Variants in NYAP2 observed in about 807,000 individuals in gnomAD.
The protein encoded by NYAP2 is neuronal tyrosine-phosphorylated phosphoinositide-3-kinase adaptor 2.
A neutral mutation model predicts 50.4 loss-of-function variants in NYAP2; 23 were observed. The observed-to-expected ratio is 0.46, with a 90% CI of 0.33 to 0.65. The LOEUF is 0.65. Ranked by LOEUF, NYAP2 falls within the 30% of genes least tolerant of loss-of-function variation. The pLI, the probability that NYAP2 is intolerant of heterozygous loss-of-function variation, is 0.02. For synonymous variants in NYAP2, 394 were observed against 365.2 expected, an observed-to-expected ratio of 1.08 and a Z score of -0.90; for missense variants, 885 against 861.0, an observed-to-expected ratio of 1.03 and a Z score of -0.35.
chr2:225,441,302 A>G (rs1251143040), intron 3 of NYAP2, among the ~76,000 whole-genome samples: 1 of 152,222 alleles, frequency 6.6e-6, no homozygotes, highest in East Asian at 1.9e-4. Context: ...TGTCTTTAAT[A>G]TGATAAACCA....
intron 3 of NYAP2, among the ~76,000 whole-genome samples, chr2:225,499,436 C>T (rs1690564681): frequency 6.6e-6 from 1 of 151,956 alleles, no homozygotes; most frequent in South Asian, 2.1e-4. Context: ...CCTCAGCCTC[C>T]CGAGTAGCTG....
chr2:225,687,944 T>C, the NYAP2 span, among the ~76,000 whole-genome samples: 1 of 152,192 alleles, frequency 6.6e-6, no homozygotes, highest in Non-Finnish European at 1.5e-5. Context: ...TCAAAATCAC[T>C]AGGAAGCCTA....
At chr2:225,688,434 C>G in the NYAP2 span, among the ~76,000 whole-genome samples, 1 of 152,024 alleles carries the variant, frequency 6.6e-6, no homozygotes, top group Non-Finnish European at 1.5e-5. Flanking sequence ...ACATTTATTG[C>G]ATAATTTTAC....
intron 3 of NYAP2, among the ~76,000 whole-genome samples, chr2:225,496,039 T>A (rs890868566): frequency 6.6e-6 from 1 of 152,176 alleles, no homozygotes; most frequent in Non-Finnish European, 1.5e-5. Flanking sequence ...GTGGTAGAGA[T>A]GATTGATCAC....
chr2:225,614,555 A>G (rs1419884059), intron 5 of NYAP2, among the ~76,000 whole-genome samples: 1 of 152,196 alleles, frequency 6.6e-6, no homozygotes, highest in African/African-American at 2.4e-5. Flanking sequence ...AAGGCATTTT[A>G]TTACAACTAG....
rs562841261 is a variant in NYAP2 at position 225,620,487 on chromosome 2, G to A, written c.1619-6430G>A. Reference sequence around the variant, plus strand: ...CGCATGCACACGCACACGCACGCACGCACACACACGCACGCACACACACAT... The same window carrying A: ...CGCATGCACACGCACACGCACGCACACACACACACGCACGCACACACACAT... On this transcript the variant is annotated intron_variant, in intron 5 of 6. Coordinates refer to ENST00000636099, the Ensembl canonical transcript of NYAP2. 4.9e-3 allele frequency among the ~76,000 whole-genome samples: 729 copies of A among 148,628 alleles called. 7 individuals carry two copies. Among genetic ancestry groups the A allele is most frequent in the African/African-American group, 0.017 (696 of 40,048 alleles).
intron 5 of NYAP2, among the ~76,000 whole-genome samples, chr2:225,586,008 C>G (rs1292053291): frequency 1.3e-5 from 2 of 152,108 alleles, no homozygotes. Context: ...TTTTAAGTTT[C>G]AGGAATTTTC....
chr2:225,607,163 T>C (rs1692800608), intron 5 of NYAP2, among the ~76,000 whole-genome samples: 1 of 152,094 alleles, frequency 6.6e-6, no homozygotes, highest in Non-Finnish European at 1.5e-5. Context: ...CTTTCATTTA[T>C]TTTTTCCCCA....
At chr2:225,407,869 A>C (rs1315962703) in intron 2 of NYAP2, among the ~76,000 whole-genome samples, 3 of 151,956 alleles carry the variant, frequency 2.0e-5, no homozygotes, top group Non-Finnish European at 4.4e-5. Context: ...CCATCTCCCC[A>C]TCTAGCCACA....
chr2:225,460,950 G>A (rs545919504), intron 3 of NYAP2, among the ~76,000 whole-genome samples: 99 of 134,276 alleles, frequency 7.4e-4, no homozygotes, highest in African/African-American at 2.7e-3. Flanking sequence ...CCGAAATCGC[G>A]CCACTGCACT....
chr2:225,524,514 C>T (rs1261534148), intron 4 of NYAP2, among the ~76,000 whole-genome samples: 1 of 152,244 alleles, frequency 6.6e-6, no homozygotes, highest in East Asian at 1.9e-4. Flanking sequence ...CAATGTTTTG[C>T]ATCCTTCAGC....
At chr2:225,671,377 A>G in the NYAP2 span, among the ~76,000 whole-genome samples, 2 of 152,080 alleles carry the variant, frequency 1.3e-5, no homozygotes, top group East Asian at 3.9e-4. Context: ...TCAAGAAACC[A>G]CTTTCTTTGT....
the NYAP2 span, among the ~76,000 whole-genome samples, chr2:225,664,705 T>C: frequency 7.5e-6 from 1 of 133,890 alleles, no homozygotes; most frequent in African/African-American, 2.5e-5. Flanking sequence ...AAACCCCGTC[T>C]CTACTAAAAA....
chr2:225,437,897 G>A (rs115959146), intron 3 of NYAP2, among the ~76,000 whole-genome samples: 3,939 of 152,048 alleles, frequency 0.026, 92 homozygotes, highest in Non-Finnish European at 0.034. Flanking sequence ...TTATGAATGG[G>A]GACATCAATT....
At chr2:225,435,508 A>G (rs182607051) in intron 3 of NYAP2, among the ~76,000 whole-genome samples, 126 of 152,318 alleles carry the variant, frequency 8.3e-4, no homozygotes, top group African/African-American at 2.9e-3. Context: ...GACTGGTCCA[A>G]TACTCAATAT....
chr2:225,432,119 A>G (rs548052909), intron 3 of NYAP2, among the ~76,000 whole-genome samples: 1 of 149,150 alleles, frequency 6.7e-6, no homozygotes, highest in African/African-American at 2.5e-5. Context: ...ACAGGCCTAC[A>G]CATGCCTGCC....
the NYAP2 span, among the ~76,000 whole-genome samples, chr2:225,689,556 CATG>C: frequency 6.6e-6 from 1 of 152,034 alleles, no homozygotes. Context: ...GAAATCAAGA[CATG>C]GTTCACATTT....
intron 3 of NYAP2, among the ~76,000 whole-genome samples, chr2:225,501,337 C>G (rs968517487): frequency 6.6e-6 from 1 of 152,128 alleles, no homozygotes; most frequent in African/African-American, 2.4e-5. Context: ...TGGTGTCAAT[C>G]AAGATGGTTA....
At chr2:225,671,158 G>C in the NYAP2 span, among the ~76,000 whole-genome samples, 1 of 152,068 alleles carries the variant, frequency 6.6e-6, no homozygotes, top group Non-Finnish European at 1.5e-5. Flanking sequence ...TTCCTCTGTA[G>C]AATGCAATGC....
Sources: allele counts gnomAD v4.1 joint callset (sites outside exome capture counted in the v4.1 genomes callset), GRCh38; gene constraint gnomAD v4.1.1; transcripts MANE v1.5; gene names NCBI Gene and HGNC (gene_info 2026-07-23, HGNC 2026-07-21).